The following RRP1 variants were observed in gnomAD, a reference collection of about 807,000 sequenced individuals.
The protein encoded by RRP1 is ribosomal RNA processing protein 1 homolog A.
A neutral mutation model predicts 54.6 loss-of-function variants in RRP1; 37 were observed. That is an observed-to-expected ratio of 0.68 (90% confidence interval 0.52 to 0.89). The LOEUF (loss-of-function observed/expected upper bound fraction) is 0.89, where lower values mean the gene tolerates loss of function less well. RRP1 is among the 40% of genes least tolerant of loss of function. The pLI is 0.00. For missense variants in RRP1, 639 were observed against 612.5 expected, an observed-to-expected ratio of 1.04 and a Z score of -0.46; for synonymous variants, 262 against 244.3, an observed-to-expected ratio of 1.07 and a Z score of -0.67.
Position 43,797,632 on chromosome 21 carries a change from T to A in RRP1, c.554T>A (p.Leu185His), listed in dbSNP as rs778389533. 4 of 1,614,086 alleles carry A rather than the reference T, an allele frequency of 2.5e-6. No individual in the cohort carries two copies. The highest frequency in any genetic ancestry group is 3.4e-6 in the Non-Finnish European group (4 of 1,180,050). Residue 185 changes from leucine to histidine, a missense_variant and splice_region_variant, in exon 7 of 13, where the codon CTT becomes CAT. Physicochemically the swap from Leu to His is moderately conservative, Grantham distance 99. Transcript: ENST00000497547. ...AGCTCCCGCTGGCTTTCCCCGTAGCTTACGGCAGACCAGAACCTGAAGTTC... is the reference window on the plus strand; with the variant it reads ...AGCTCCCGCTGGCTTTCCCCGTAGCATACGGCAGACCAGAACCTGAAGTTC... ...EELTKVGAEE[L>H]TADQNLKFID...
intron 4 of RRP1, among the ~76,000 whole-genome samples, chr21:43,794,605 A>T (rs921936589): frequency 9.2e-5 from 14 of 152,180 alleles, no homozygotes; most frequent in African/African-American, 3.4e-4. Flanking sequence ...GCGTGTGGGC[A>T]TGCTGGGTCA....
rs370343131 is a variant in RRP1 at position 43,797,482 on chromosome 21, C to T, written c.483C>T (p.Ala161=). 1.2e-4 allele frequency: 188 copies of T among 1,613,774 alleles called. No homozygotes were observed. Among genetic ancestry groups the T allele is most frequent in the Admixed American group, 4.2e-4 (25 of 59,992 alleles). Residue 161 remains alanine (A), a synonymous_variant, in exon 6 of 13, where the codon GCC becomes GCT. Coordinates refer to ENST00000497547, the MANE Select transcript of RRP1 (RefSeq NM_003683.6). ...MTEILHPSSQ[A]PNGVKSHFIE... is the part of the protein sequence containing the mutation. The stretch of plus-strand genomic sequence containing the variant: ...AGATCCTGCACCCCAGCAGCCAGGC[C>T]CCCAACGGTGTGAAGAGCCACTTCA...
At chr21:43,802,111 C>T in intron 11 of RRP1, 163 bp from the exon 12 acceptor site, 1 of 593,890 alleles carries the variant, frequency 1.7e-6, no homozygotes, top group South Asian at 2.0e-5. Flanking sequence ...TTCGTTTCAG[C>T]TGTGGCGGGT....
At chr21:43,794,060 T>A (rs756593394) in intron 4 of RRP1, among the ~76,000 whole-genome samples, 5 of 151,986 alleles carry the variant, frequency 3.3e-5, no homozygotes, top group Admixed American at 1.3e-4. Flanking sequence ...GGTCACCCAA[T>A]GGGGACACTG....
rs2084955998 is a variant in RRP1 at position 43,791,387 on chromosome 21, A to G, written c.171A>G (p.Lys57=). The G allele has an allele frequency of 6.2e-7, 1 of 1,614,108 alleles. No homozygotes were observed. The highest frequency in any genetic ancestry group is 8.5e-7 in the Non-Finnish European group (1 of 1,179,986). The change falls in exon 2 of 13, where the codon AAA becomes AAG. Residue 57 remains lysine (K), a synonymous_variant. Transcript: ENST00000497547. ...ACGACGAGCTGCTGAAGGTGTGGAA[A>G]GGACTGTTTTATTGCATGTGGATGC... ...FTHDELLKVW[K]GLFYCMWMQD...
chr21:43,798,248 G>C, intron 8 of RRP1, 148 bp downstream of exon 8: 1 of 682,564 alleles, frequency 1.5e-6, no homozygotes, highest in Non-Finnish European at 2.4e-6. Context: ...AGAAGCCAGA[G>C]TGACTTCTGT....
chr21:43,794,871 C>G (rs1435822121), intron 4 of RRP1, among the ~76,000 whole-genome samples: 6 of 152,212 alleles, frequency 3.9e-5, no homozygotes, highest in Admixed American at 3.3e-4. Flanking sequence ...TCGGACTGTT[C>G]CGTTTCAGCC....
intron 12 of RRP1, among the ~76,000 whole-genome samples, chr21:43,802,747 TCTTC>T (rs2085107377): frequency 6.6e-6 from 1 of 152,176 alleles, no homozygotes; most frequent in African/African-American, 2.4e-5. Flanking sequence ...TCTCTCCACG[TCTTC>T]CTTCCCCTTC....
chr21:43,799,427 A>ATGGTGGGCTCTCCGTTCCC (rs546586311), intron 8 of RRP1, 143 bp from the exon 9 acceptor site: 4 of 510,842 alleles, frequency 7.8e-6, no homozygotes, highest in Non-Finnish European at 1.2e-5. Flanking sequence ...ACCAGGGTGC[A>ATGGTGGGCTCTCCGTTCCC]GGGTGGGCTG....
At chr21:43,801,680 C>T (rs1051101632) in intron 11 of RRP1, among the ~76,000 whole-genome samples, 6 of 152,122 alleles carry the variant, frequency 3.9e-5, no homozygotes, top group Admixed American at 3.3e-4. Context: ...CTGTGTTGCC[C>T]GGCTGGTCGT....
chr21:43,803,742 G>C lies in RRP1; in HGVS notation c.1354G>C (p.Glu452Gln). The C allele has an allele frequency of 6.3e-7, 1 of 1,577,178 alleles. No individual in the cohort carries two copies. The highest frequency in any genetic ancestry group is 8.6e-7 in the Non-Finnish European group (1 of 1,160,166). The change falls in exon 13 of 13, where the codon GAG (glutamate) becomes CAG (glutamine). Residue 452 changes from glutamate (E) to glutamine (Q), a missense_variant. Coordinates refer to ENST00000497547, the MANE Select transcript of RRP1 (RefSeq NM_003683.6). ...SARAKAANVQ[E>Q]PEKKKKRRE ...CCGAGCAAAGGCGGCCAATGTCCAGGAGCCGGAGAAGAAGAAGAAACGCAG... is the reference window on the plus strand; with the variant it reads ...CCGAGCAAAGGCGGCCAATGTCCAGCAGCCGGAGAAGAAGAAGAAACGCAG...
intron 8 of RRP1, among the ~76,000 whole-genome samples, chr21:43,798,423 C>A (rs1391701654): frequency 6.6e-6 from 1 of 152,150 alleles, no homozygotes; most frequent in Admixed American, 6.5e-5. Context: ...CCCACCGTCT[C>A]TCCCCCCATC....
In RRP1 at chr21:43,797,432, G is replaced by T; in HGVS notation, c.433G>T (p.Glu145Ter). The T allele has an allele frequency of 1.9e-6, 3 of 1,611,876 alleles. No individual in the cohort carries two copies. Among genetic ancestry groups the T allele is most frequent in the Non-Finnish European group, 1.7e-6 (2 of 1,179,818 alleles). The change falls in exon 6 of 13, where the codon GAG becomes TAG. Residue 145 changes from glutamate (E) to a stop codon, truncating the protein, a stop_gained. Coordinates refer to ENST00000497547, the MANE Select transcript of RRP1 (RefSeq NM_003683.6). LOFTEE classifies it high-confidence loss of function. ...MQGWEERQIE[E>*]LLELLMTEIL... Reference sequence around the variant, plus strand: ...TTTTTCTTTCCTCAGACAGATCGAGGAGCTGCTAGAGCTGCTGATGACTGA... The same window carrying T: ...TTTTTCTTTCCTCAGACAGATCGAGTAGCTGCTAGAGCTGCTGATGACTGA...
At chr21:43,799,435 C>T (rs2085059475) in intron 8 of RRP1, 135 bp from the exon 9 acceptor site, 1 of 815,566 alleles carries the variant, frequency 1.2e-6, no homozygotes, top group Non-Finnish European at 2.0e-6. Context: ...GCAGGGTGGG[C>T]TGTCCGTTCC....
intron 12 of RRP1, among the ~76,000 whole-genome samples, chr21:43,803,246 A>C (rs963541839): frequency 6.6e-6 from 1 of 152,152 alleles, no homozygotes; most frequent in South Asian, 2.1e-4. Flanking sequence ...CCTTGAGCCC[A>C]GTCCTGCCTA....
rs1412425239 is a variant in RRP1, at chr21:43,803,655, AG to A, written c.1271del (p.Gly424AlafsTer17). On this transcript the variant is annotated frameshift_variant, in exon 13 of 13. Transcript: ENST00000497547. LOFTEE classifies it low-confidence loss of function (END_TRUNC). Reference sequence around the variant, plus strand: ...GCGGGCCCTGCTCCGAGATCAGCCCAGGGGCCGTGGCCAGAGAGGGGCTCGC... The same window carrying A: ...GCGGGCCCTGCTCCGAGATCAGCCCAGGGCCGTGGCCAGAGAGGGGCTCGC... ...AERALLRDQPRGRGQRGARQR... is the reference protein window; with the variant it reads ...AERALLRDQPXGRGQRGARQR... The A allele has an allele frequency of 6.4e-7, 1 of 1,551,654 alleles. No individual in the cohort carries two copies. The highest frequency in any genetic ancestry group is 2.0e-5 in the Admixed American group (1 of 51,170).
chr21:43,800,526 G>A lies in RRP1; in HGVS notation c.901G>A (p.Glu301Lys), dbSNP rs188937098. 1.3e-4 allele frequency: 202 copies of A among 1,614,200 alleles called. 3 individuals are homozygous for A. The East Asian group carries it at 4.1e-3, about 33-fold the overall frequency. ...CTCTCTTTTGAAACAGTTTGACTAC[G>A]AGGCAGTTGCTAACAGACTGTTTGA... ...SGGPVLQFDY[E>K]AVANRLFEMA... Residue 301 changes from glutamate (E) to lysine (K), a missense_variant, in exon 10 of 13, where the codon GAG becomes AAG. Transcript: ENST00000497547.
intron 12 of RRP1, 95 bp from the exon 13 acceptor site, chr21:43,803,417 G>A: frequency 2.1e-6 from 3 of 1,447,222 alleles, no homozygotes; most frequent in Non-Finnish European, 2.8e-6. Flanking sequence ...TGTCCTCCCA[G>A]GTCTGTGGTG....
rs772076178 is a variant in RRP1 at position 43,797,491 on chromosome 21, T to C, written c.492T>C (p.Gly164=). The C allele has an allele frequency of 1.9e-6, 3 of 1,613,686 alleles. 1 individual carries two copies. The highest frequency in any genetic ancestry group is 3.3e-4 in the Middle Eastern group (2 of 6,058). The change falls in exon 6 of 13, where the codon GGT becomes GGC. Residue 164 remains glycine, a synonymous_variant. Coordinates refer to ENST00000497547, the MANE Select transcript of RRP1 (RefSeq NM_003683.6). The part of the protein sequence containing the change: ...ILHPSSQAPN[G]VKSHFIEIFL... The stretch of plus-strand genomic sequence containing the variant: ...ACCCCAGCAGCCAGGCCCCCAACGG[T>C]GTGAAGAGCCACTTCATCGAGATCT...
Sources: gnomAD v4.1 joint callset for allele counts (sites outside exome capture counted in the v4.1 genomes callset) on GRCh38, gnomAD v4.1.1 for gene constraint, MANE v1.5 for transcripts, NCBI Gene and HGNC (gene_info 2026-07-23, HGNC 2026-07-21) for gene names.